The following C3orf52 variants were observed in gnomAD, a reference collection of about 807,000 sequenced individuals.
The protein encoded by C3orf52 is TPA-induced transmembrane protein.
C3orf52 carries 22 observed loss-of-function variants against 24.8 expected under a neutral mutation model. That is an observed-to-expected ratio of 0.89 (90% CI 0.63 to 1.27). The LOEUF (loss-of-function observed/expected upper bound fraction) is 1.27, where lower values mean the gene tolerates loss of function less well. Ranked by LOEUF, C3orf52 falls within the 50% of genes most tolerant of loss-of-function variation. C3orf52 has a pLI of 0.00. For synonymous variants in C3orf52, 93 were observed against 100.2 expected, an observed-to-expected ratio of 0.93 and a Z score of 0.43; for missense variants, 265 against 260.7, an observed-to-expected ratio of 1.02 and a Z score of -0.11.
chr3:112,123,754 A>G (rs750227000), intron 4 of C3orf52: 9 of 1,612,980 alleles, frequency 5.6e-6, no homozygotes, highest in Non-Finnish European at 7.6e-6. Context: ...TCCTCTGAGT[A>G]GGTCTGGTCA....
intron 5 of C3orf52, among the ~76,000 whole-genome samples, chr3:112,114,148 G>A (rs1337091712): frequency 6.6e-6 from 1 of 152,200 alleles, no homozygotes; most frequent in Admixed American, 6.5e-5. Context: ...TTAGTGCATA[G>A]TACAAGACAA....
intron 5 of C3orf52, among the ~76,000 whole-genome samples, chr3:112,115,329 AGAAAGG>A (rs1289375462): frequency 6.6e-6 from 1 of 152,062 alleles, no homozygotes; most frequent in East Asian, 1.9e-4. Flanking sequence ...CAAACTCTAG[AGAAAGG>A]GAAAATGTGT....
intron 4 of C3orf52, chr3:112,123,338 A>G: frequency 6.6e-7 from 1 of 1,505,934 alleles, no homozygotes; most frequent in Non-Finnish European, 8.8e-7. Flanking sequence ...TCTGCAGGGA[A>G]AGGGTTGTTG....
chr3:112,116,748 A>G lies in C3orf52; in HGVS notation c.*102A>G, dbSNP rs1017250010. On this transcript the variant is annotated 3_prime_UTR_variant, in exon 6 of 6. Transcript: ENST00000264848. ...CAGAAAAGATTCTGTGGATTAATAC[A>G]GAAGCACCAGCAACACCAGAGGGGT... is the stretch of plus-strand genomic sequence containing the variant. 18 of 1,551,732 alleles carry G rather than the reference A, an allele frequency of 1.2e-5. No individual in the cohort carries two copies. Among genetic ancestry groups the G allele is most frequent in the Non-Finnish European group, 1.5e-5 (17 of 1,147,824 alleles).
rs184365780 is a variant in C3orf52, at chr3:112,113,640, G to A, written c.649+495G>A. ...AGACCATTAAGAAATTAATAGAGGGGTATACAAAGACAAGTTTATTCCTTT... is the reference window on the plus strand; with the variant it reads ...AGACCATTAAGAAATTAATAGAGGGATATACAAAGACAAGTTTATTCCTTT... On this transcript the variant is annotated intron_variant, in intron 5 of 5. Coordinates refer to ENST00000264848, the MANE Select transcript of C3orf52 (RefSeq NM_024616.3). Among the ~76,000 whole-genome samples, 17 of 152,182 alleles carry A rather than the reference G, an allele frequency of 1.1e-4. No individual in the cohort carries two copies. In the East Asian group the frequency reaches 3.1e-3, roughly 28 times the overall value.
At chr3:112,092,457 A>T (rs2073887169) in intron 1 of C3orf52, among the ~76,000 whole-genome samples, 2 of 152,300 alleles carry the variant, frequency 1.3e-5, no homozygotes, top group Non-Finnish European at 2.9e-5. Context: ...CATATAGGGT[A>T]AGGTGGGGGC....
At chr3:112,099,571 T>C (rs1399367667) in intron 2 of C3orf52, among the ~76,000 whole-genome samples, 2 of 152,222 alleles carry the variant, frequency 1.3e-5, no homozygotes, top group Admixed American at 6.5e-5. Flanking sequence ...GAACAAATTA[T>C]GCATTTTCTC....
chr3:112,100,468 C>A (rs568410373), intron 2 of C3orf52, among the ~76,000 whole-genome samples: 1 of 152,210 alleles, frequency 6.6e-6, no homozygotes, highest in Non-Finnish European at 1.5e-5. Context: ...TATTTTGACA[C>A]ACACAACTAT....
chr3:112,090,364 A>G (rs920965074), intron 1 of C3orf52, among the ~76,000 whole-genome samples: 1 of 144,312 alleles, frequency 6.9e-6, no homozygotes, highest in Non-Finnish European at 1.5e-5. Context: ...GTATGCTCAT[A>G]GCTCACTGCA....
intron 4 of C3orf52, chr3:112,128,186 G>T: frequency 2.5e-6 from 2 of 787,192 alleles, no homozygotes; most frequent in Non-Finnish European, 2.2e-6. Context: ...TTTCATTCTA[G>T]ATAACTTGGA....
At chr3:112,107,380 C>T (rs948067936) in intron 3 of C3orf52, among the ~76,000 whole-genome samples, 3 of 152,198 alleles carry the variant, frequency 2.0e-5, no homozygotes, top group Admixed American at 6.5e-5. Flanking sequence ...ACAGCATCCC[C>T]GTGAAAGCTG....
At chr3:112,087,074 T>C (rs2073836089) in intron 1 of C3orf52, among the ~76,000 whole-genome samples, 1 of 149,034 alleles carries the variant, frequency 6.7e-6, no homozygotes, top group African/African-American at 2.5e-5. Flanking sequence ...GCCTGGCCAT[T>C]GGATTCTGCC....
chr3:112,123,496 G>A (rs892631957), intron 4 of C3orf52: 2 of 1,614,026 alleles, frequency 1.2e-6, no homozygotes, highest in African/African-American at 2.7e-5. Flanking sequence ...GCCATAAGTG[G>A]ACGTGGCTGT....
At chr3:112,126,888 A>G in intron 4 of C3orf52, 8 of 847,280 alleles carry the variant, frequency 9.4e-6, no homozygotes, top group Non-Finnish European at 1.6e-5. Flanking sequence ...AGATATTGTA[A>G]TTGAAATATG....
intron 3 of C3orf52, among the ~76,000 whole-genome samples, chr3:112,104,681 A>G (rs2074007772): frequency 6.6e-6 from 1 of 151,616 alleles, no homozygotes; most frequent in South Asian, 2.1e-4. Flanking sequence ...ACCAGGTGGT[A>G]TTTGGTTACA....
At chr3:112,130,133 A>T, downstream of C3orf52, 1 of 308,454 alleles carries the variant, frequency 3.2e-6, no homozygotes, top group East Asian at 6.0e-5. Flanking sequence ...TTGAGCACAA[A>T]GGTACCTGAG....
intron 2 of C3orf52, 116 bp downstream of exon 2, chr3:112,093,605 T>A: frequency 9.7e-7 from 1 of 1,026,928 alleles, no homozygotes; most frequent in Non-Finnish European, 1.4e-6. Context: ...AATGTGAATT[T>A]AAGACCGGCT....
rs1000387689 is a variant in C3orf52 at position 112,086,401 on chromosome 3, C to T, written c.-7C>T. On this transcript the variant is annotated 5_prime_UTR_variant, in exon 1 of 6. Coordinates refer to ENST00000264848, the MANE Select transcript of C3orf52 (RefSeq NM_024616.3). The stretch of plus-strand genomic sequence containing the variant: ...CGCGGAGCCGCTCAGACTTTCCCTG[C>T]CGGCACATGGACCTGGCCCAACCCT... 2.9e-5 allele frequency: 44 copies of T among 1,536,136 alleles called. No individual in the cohort carries two copies. The highest frequency in any genetic ancestry group is 1.7e-4 in the Middle Eastern group (1 of 5,836).
chr3:112,133,313 T>A (rs1283727464), downstream of C3orf52: 2 of 601,780 alleles, frequency 3.3e-6, no homozygotes, highest in Non-Finnish European at 5.9e-6. Context: ...GAGGCACGCA[T>A]GTGCAGAATG....
Sources: allele counts gnomAD v4.1 joint callset (sites outside exome capture counted in the v4.1 genomes callset), GRCh38; gene constraint gnomAD v4.1.1; transcripts MANE v1.5; gene names NCBI Gene and HGNC (gene_info 2026-07-23, HGNC 2026-07-21).